The following ARHGAP29 variants were observed in gnomAD, a reference collection of about 807,000 sequenced individuals.
The protein encoded by ARHGAP29 is rho GTPase-activating protein 29.
In ARHGAP29, 43 loss-of-function variants were observed where a neutral mutation model predicts 122.6. That is an observed-to-expected ratio of 0.35 (90% CI 0.27 to 0.45). ARHGAP29 has a LOEUF of 0.45. ARHGAP29 is among the 20% of genes least tolerant of loss of function. The pLI is 1.00. For missense variants in ARHGAP29, 1,303 were observed against 1,477.2 expected (o/e 0.88, Z 1.93); for synonymous variants, 506 against 497.1 (o/e 1.02, Z -0.24).
At chr1:94,296,561 C>T in the ARHGAP29 span, among the ~76,000 whole-genome samples, 1 of 152,152 alleles carries the variant, frequency 6.6e-6, no homozygotes, top group Admixed American at 6.5e-5. Flanking sequence ...TCCCCTCAAT[C>T]AGGGGGGACT....
At chr1:94,279,364 C>G (rs1245638480), upstream of ARHGAP29, among the ~76,000 whole-genome samples, 1 of 152,180 alleles carries the variant, frequency 6.6e-6, no homozygotes, top group African/African-American at 2.4e-5. Context: ...ACTTCCCTGA[C>G]AAGTTTCTAC....
intron 1 of ARHGAP29, among the ~76,000 whole-genome samples, chr1:94,269,556 A>G (rs1219832428): frequency 6.6e-6 from 1 of 151,384 alleles, no homozygotes; most frequent in Non-Finnish European, 1.5e-5. Context: ...GGAGCAAAAT[A>G]TATCATTATT....
chr1:94,283,071 T>C, the ARHGAP29 span, among the ~76,000 whole-genome samples: 4 of 152,078 alleles, frequency 2.6e-5, no homozygotes, highest in Admixed American at 6.6e-5. Flanking sequence ...GTCAGCAACA[T>C]TTTTTTAACC....
At chr1:94,243,825 T>C (rs1275974813) in intron 1 of ARHGAP29, among the ~76,000 whole-genome samples, 1 of 151,948 alleles carries the variant, frequency 6.6e-6, no homozygotes, top group Non-Finnish European at 1.5e-5. Flanking sequence ...AAATCACTAA[T>C]ATGAATGGAA....
In ARHGAP29 at chr1:94,169,413, C is replaced by G. The variant is rs1177160036; in HGVS notation, c.*4456G>C. 2.0e-5 allele frequency among the ~76,000 whole-genome samples: 3 copies of G among 152,006 alleles called. No individual in the cohort carries two copies. The highest frequency in any genetic ancestry group is 1.3e-4 in the Admixed American group (2 of 15,250). On this transcript the variant is annotated 3_prime_UTR_variant, in exon 23 of 23. Coordinates refer to ENST00000260526, the MANE Select transcript of ARHGAP29 (RefSeq NM_004815.4). ...GGGACTGGGTGTGATGAGACAGCAG[C>G]TGGCATGTCAAGAGGTTGAGGGAGG... is the stretch of plus-strand genomic sequence containing the variant.
intron 12 of ARHGAP29, among the ~76,000 whole-genome samples, chr1:94,201,087 G>C (rs920240377): frequency 6.6e-6 from 1 of 152,048 alleles, no homozygotes; most frequent in Admixed American, 6.5e-5. Context: ...AGAATGCTTT[G>C]TCTCCAAATA....
Position 94,231,499 on chromosome 1 carries a change from G to C in ARHGAP29, c.113C>G (p.Ser38Cys). The change falls in exon 2 of 23, where the codon TCT becomes TGT. Residue 38 changes from serine (S) to cysteine (C), a missense_variant. Coordinates refer to ENST00000260526, the MANE Select transcript of ARHGAP29 (RefSeq NM_004815.4). ...EMGLKSLSSNSIFDPDYIKEL... is the reference protein window; with the variant it reads ...EMGLKSLSSNCIFDPDYIKEL... The stretch of plus-strand genomic sequence containing the variant: ...CTTGATGTAATCCGGATCAAAAATA[G>C]AGTTGGAACTTAAGGACTTGAGCCC... 1.2e-6 allele frequency: 2 copies of C among 1,613,790 alleles called. No homozygotes were observed. The highest frequency in any genetic ancestry group is 1.7e-6 in the Non-Finnish European group (2 of 1,179,760).
chr1:94,189,132 T>C, intron 14 of ARHGAP29, 84 bp downstream of exon 14: 1 of 1,498,510 alleles, frequency 6.7e-7, no homozygotes, highest in Non-Finnish European at 9.0e-7. Context: ...ATTTTTAAAT[T>C]CCAGAGCACC....
rs1417942539 is a variant in ARHGAP29 at position 94,172,454 on chromosome 1, A to G, written c.*1415T>C. The G allele has an allele frequency of 1.3e-5, 2 of 152,158 alleles. No individual in the cohort carries two copies. Among genetic ancestry groups the G allele is most frequent in the East Asian group, 3.8e-4 (2 of 5,200 alleles). The allele number at this position is 152,158 out of a possible 1,614,324, so 9.4% of individuals were successfully genotyped here. ...AGACCTTTACATCACATAGAACTAT[A>G]AAACAGGTTTCCATAAAATTCATTC... On this transcript the variant is annotated 3_prime_UTR_variant, in exon 23 of 23. Coordinates refer to ENST00000260526, the MANE Select transcript of ARHGAP29 (RefSeq NM_004815.4).
intron 16 of ARHGAP29, among the ~76,000 whole-genome samples, chr1:94,186,054 G>A (rs949396872): frequency 1.1e-4 from 16 of 152,250 alleles, no homozygotes; most frequent in East Asian, 5.8e-4. Context: ...AATTCAAGTC[G>A]TTAAGGTAAC....
At position 94,209,133 on chromosome 1, in the gene ARHGAP29, C is replaced by T. The variant is rs576005658; in HGVS notation, c.437+121G>A. 127 of 871,912 alleles carry T rather than the reference C, an allele frequency of 1.5e-4. No individual in the cohort carries two copies. In the South Asian group the frequency reaches 1.8e-3, roughly 13 times the overall value. 54.0% of individuals were successfully genotyped at this position (871,912 alleles called of 1,614,324 possible). On this transcript the variant is annotated intron_variant, in intron 4 of 22. Coordinates refer to ENST00000260526, the MANE Select transcript of ARHGAP29 (RefSeq NM_004815.4). ...AAGGCCATACAGAAGGTAGTTTTTC[C>T]GAAGTTGTGATATTTAATACCATTT...
At chr1:94,237,792 GC>G (rs1257755002), upstream of ARHGAP29, 2 of 984,642 alleles carry the variant, frequency 2.0e-6, no homozygotes, top group Non-Finnish European at 2.4e-6. Flanking sequence ...TGCGTCGGCT[GC>G]CCTTTTGGCT....
chr1:94,246,195 T>G (rs1470472609), intron 1 of ARHGAP29, among the ~76,000 whole-genome samples: 1 of 152,166 alleles, frequency 6.6e-6, no homozygotes, highest in Non-Finnish European at 1.5e-5. Flanking sequence ...AGCATCAGGG[T>G]TGCTTACTTA....
chr1:94,182,525 GA>G (rs1649542162), intron 19 of ARHGAP29, among the ~76,000 whole-genome samples: 2 of 151,720 alleles, frequency 1.3e-5, no homozygotes, highest in South Asian at 2.1e-4. Context: ...AGGATAATGG[GA>G]AAAAAAGAAG....
chr1:94,257,231 G>A lies in ARHGAP29; in HGVS notation c.-33+17781C>T, dbSNP rs184264925. Among the ~76,000 whole-genome samples the A allele has an allele frequency of 2.2e-4, 33 of 151,740 alleles. No individual in the cohort carries two copies. The South Asian group carries it at 3.3e-3, about 15-fold the overall frequency. ...ATCCTGGCCAACATTGTGAAACCCCGTCTCTACTAAAAATGCAAAAATTAG... is the reference window on the plus strand; with the variant it reads ...ATCCTGGCCAACATTGTGAAACCCCATCTCTACTAAAAATGCAAAAATTAG... On this transcript the variant is annotated intron_variant and NMD_transcript_variant, in intron 1 of 25. Transcript: ENST00000552844.
At chr1:94,205,257 A>C (rs1465332518) in intron 6 of ARHGAP29, 59 bp from the exon 7 acceptor site, 3 of 1,308,470 alleles carry the variant, frequency 2.3e-6, no homozygotes. Flanking sequence ...ATAACTCCAA[A>C]CAAAGAAGCA....
intron 15 of ARHGAP29, among the ~76,000 whole-genome samples, chr1:94,188,055 C>T (rs920312897): frequency 4.1e-4 from 62 of 152,156 alleles, no homozygotes; most frequent in African/African-American, 1.4e-3. Flanking sequence ...AAGAAAGAAA[C>T]GTTGCCAGAA....
the ARHGAP29 span, among the ~76,000 whole-genome samples, chr1:94,305,614 G>A: frequency 6.6e-6 from 1 of 152,150 alleles, no homozygotes; most frequent in Non-Finnish European, 1.5e-5. Context: ...CCTGATGAGA[G>A]GTGAGGAAGA....
chr1:94,285,316 A>G, the ARHGAP29 span, among the ~76,000 whole-genome samples: 1 of 151,984 alleles, frequency 6.6e-6, no homozygotes, highest in African/African-American at 2.4e-5. Flanking sequence ...GTTGAGTGCT[A>G]TGTTCACTCC....
Sources: allele counts gnomAD v4.1 joint callset (sites outside exome capture counted in the v4.1 genomes callset), GRCh38; gene constraint gnomAD v4.1.1; transcripts MANE v1.5; gene names NCBI Gene and HGNC (gene_info 2026-07-23, HGNC 2026-07-21).